Variants in GABRB2 observed in about 807,000 individuals in gnomAD.
GABRB2 encodes the protein gamma-aminobutyric acid type A receptor subunit beta2, also known as gamma-aminobutyric acid receptor subunit beta-2.
Under a neutral mutation model 54.7 loss-of-function variants are expected in GABRB2, and 16 were observed. The observed-to-expected ratio is 0.29, with a 90% CI of 0.20 to 0.44. GABRB2 has a LOEUF of 0.44. Among genes scored for constraint, GABRB2 ranks in the 20% least tolerant of loss-of-function variants. The pLI is 1.00. For synonymous variants in GABRB2, 244 were observed against 233.8 expected (o/e 1.04, Z -0.40); for missense variants, 355 against 644.0 (o/e 0.55, Z 4.86).
At chr5:161,446,584 C>T (rs1251672289) in intron 4 of GABRB2, among the ~76,000 whole-genome samples, 1 of 152,074 alleles carries the variant, frequency 6.6e-6, no homozygotes, top group African/African-American at 2.4e-5. Flanking sequence ...GAACCTATCC[C>T]CATCTTTGAC....
At chr5:161,500,836 T>C (rs905577188) in intron 3 of GABRB2, among the ~76,000 whole-genome samples, 1 of 152,184 alleles carries the variant, frequency 6.6e-6, no homozygotes, top group Non-Finnish European at 1.5e-5. Flanking sequence ...TTGATTTTTT[T>C]TTCTTTTATT....
chr5:161,504,491 A>G (rs182851817), intron 3 of GABRB2, among the ~76,000 whole-genome samples: 21 of 152,272 alleles, frequency 1.4e-4, no homozygotes, highest in African/African-American at 4.1e-4. Flanking sequence ...AGATACTAAA[A>G]TATTTTGAAC....
At position 161,294,271 on chromosome 5, in the gene GABRB2, C is replaced by G. The variant is rs61735410; in HGVS notation, c.1349G>C (p.Ser450Thr). 25 of 1,614,032 alleles carry G rather than the reference C, an allele frequency of 1.5e-5. No individual in the cohort carries two copies. Among genetic ancestry groups the G allele is most frequent in the African/African-American group, 2.7e-5 (2 of 74,926 alleles). ...TCGTTCCAGAGCATTTCGGCCAAAA[C>G]TATGCCTGGGCAACCCAGCTTTCCG... is the stretch of plus-strand genomic sequence containing the variant. ...QYRKAGLPRH[S>T]FGRNALERHV... Residue 450 changes from serine to threonine, a missense_variant, in exon 10 of 10, where the codon AGT becomes ACT. This residue lies in a region of GABRB2 where 201 missense variants were observed against 228.1 expected (regional missense o/e 0.88). Coordinates refer to ENST00000393959, the MANE Select transcript of GABRB2 (RefSeq NM_001371727.1).
chr5:161,429,456 A>T (rs1348241973), intron 4 of GABRB2, among the ~76,000 whole-genome samples: 1 of 151,780 alleles, frequency 6.6e-6, no homozygotes, highest in African/African-American at 2.4e-5. Flanking sequence ...AAGTTAGGTG[A>T]TGAAAGATAT....
intron 5 of GABRB2, among the ~76,000 whole-genome samples, chr5:161,385,707 C>G (rs1362642755): frequency 6.6e-6 from 1 of 152,134 alleles, no homozygotes; most frequent in Non-Finnish European, 1.5e-5. Flanking sequence ...CAAACATGAT[C>G]CCTGCTGTAG....
chr5:161,394,966 A>G (rs2113054865), intron 5 of GABRB2, among the ~76,000 whole-genome samples: 1 of 152,282 alleles, frequency 6.6e-6, no homozygotes, highest in South Asian at 2.1e-4. Flanking sequence ...AAAATAATAG[A>G]ATATCACATC....
intron 9 of GABRB2, among the ~76,000 whole-genome samples, chr5:161,319,776 T>C (rs1340246587): frequency 1.3e-5 from 2 of 151,872 alleles, no homozygotes; most frequent in Non-Finnish European, 2.9e-5. Flanking sequence ...ATAGAATTCA[T>C]TGTTGAAATC....
chr5:161,385,433 G>A (rs925130302), intron 5 of GABRB2, among the ~76,000 whole-genome samples: 1 of 152,056 alleles, frequency 6.6e-6, no homozygotes, highest in Non-Finnish European at 1.5e-5. Context: ...AAACAGTCTT[G>A]GTAACCGATG....
intron 3 of GABRB2, among the ~76,000 whole-genome samples, chr5:161,485,386 G>A (rs1758889300): frequency 6.6e-6 from 1 of 151,926 alleles, no homozygotes; most frequent in Non-Finnish European, 1.5e-5. Context: ...AGAACAAGCA[G>A]TTAATAAGGT....
intron 3 of GABRB2, among the ~76,000 whole-genome samples, chr5:161,543,656 A>G (rs1477567037): frequency 6.6e-6 from 1 of 152,200 alleles, no homozygotes; most frequent in Non-Finnish European, 1.5e-5. Context: ...ATTTAGATTC[A>G]CATTCCTGAG....
chr5:161,341,886 C>A (rs1362816525), intron 5 of GABRB2, among the ~76,000 whole-genome samples: 1 of 143,358 alleles, frequency 7.0e-6, no homozygotes, highest in Non-Finnish European at 1.5e-5. Context: ...CAGCAGGAAC[C>A]AATGAGAACA....
chr5:161,323,302 C>A (rs140840870), intron 9 of GABRB2, among the ~76,000 whole-genome samples: 2 of 152,162 alleles, frequency 1.3e-5, no homozygotes, highest in South Asian at 2.1e-4. Context: ...GGATTACAGG[C>A]GTGAGCCACC....
At chr5:161,446,371 G>A (rs1475388228) in intron 4 of GABRB2, among the ~76,000 whole-genome samples, 4 of 152,010 alleles carry the variant, frequency 2.6e-5, no homozygotes, top group Non-Finnish European at 5.9e-5. Flanking sequence ...ATTTTTTCTG[G>A]CTTCTTTCTG....
chr5:161,407,935 T>C (rs1299903851), intron 5 of GABRB2, among the ~76,000 whole-genome samples: 2 of 152,028 alleles, frequency 1.3e-5, no homozygotes, highest in Non-Finnish European at 2.9e-5. Flanking sequence ...TCCCTGTATA[T>C]TTAAGAAAAG....
At chr5:161,400,060 A>G (rs1268870968) in intron 5 of GABRB2, among the ~76,000 whole-genome samples, 1 of 152,178 alleles carries the variant, frequency 6.6e-6, no homozygotes, top group Non-Finnish European at 1.5e-5. Context: ...ATTATTGAAA[A>G]TCTATGGAAA....
Position 161,360,798 on chromosome 5 carries a change from A to G in GABRB2, c.542-24029T>C, listed in dbSNP as rs540010028. ...TCTCATTTTGAATTATTTTGGTCAA[A>G]AAATACAGTAACCTGAATATAAGTT... On this transcript the variant is annotated intron_variant, in intron 5 of 9. Coordinates refer to ENST00000393959, the MANE Select transcript of GABRB2 (RefSeq NM_001371727.1). Among the ~76,000 whole-genome samples, 3 of 152,300 alleles carry G rather than the reference A, an allele frequency of 2.0e-5. No homozygotes were observed. In the East Asian group the frequency reaches 5.8e-4, roughly 29 times the overall value.
intron 3 of GABRB2, among the ~76,000 whole-genome samples, chr5:161,541,195 T>G (rs1335304289): frequency 6.6e-6 from 1 of 151,028 alleles, no homozygotes; most frequent in Non-Finnish European, 1.5e-5. Flanking sequence ...GAGCACTAAG[T>G]CTCAACAGTG....
chr5:161,334,971 T>G, intron 6 of GABRB2, 67 bp from the exon 7 acceptor site: 1 of 1,481,402 alleles, frequency 6.8e-7, no homozygotes, highest in Non-Finnish European at 9.3e-7. Context: ...TCTTTAAAGG[T>G]GCATAAACAG....
intron 9 of GABRB2, among the ~76,000 whole-genome samples, chr5:161,312,688 G>A (rs1371387032): frequency 1.3e-5 from 2 of 152,196 alleles, no homozygotes; most frequent in African/African-American, 2.4e-5. Flanking sequence ...GAACCAGCAA[G>A]ATTTAAAGTT....
Sources: allele counts gnomAD v4.1 joint callset (sites outside exome capture counted in the v4.1 genomes callset), GRCh38; gene constraint gnomAD v4.1.1; regional missense constraint gnomAD v4.1.1; transcripts MANE v1.5; gene names NCBI Gene and HGNC (gene_info 2026-07-23, HGNC 2026-07-21).